The following ROBO2 variants were observed in gnomAD, a reference collection of about 807,000 sequenced individuals.
ROBO2 encodes the protein roundabout homolog 2.
A neutral mutation model predicts 160.8 loss-of-function variants in ROBO2; 53 were observed. The ratio of observed to expected loss-of-function variants is 0.33; its 90% CI spans 0.26 to 0.41. The LOEUF (loss-of-function observed/expected upper bound fraction) is 0.41. Ranked by LOEUF, ROBO2 falls within the 10% of genes least tolerant of loss-of-function variation. The pLI is 1.00. For synonymous variants in ROBO2, 664 were observed against 611.7 expected, an observed-to-expected ratio of 1.09 and a Z score of -1.26; for missense variants, 1,577 against 1,722.4, an observed-to-expected ratio of 0.92 and a Z score of 1.49.
chr3:77,354,212 T>C (rs1318537627), intron 2 of ROBO2, among the ~76,000 whole-genome samples: 1 of 152,198 alleles, frequency 6.6e-6, no homozygotes, highest in Admixed American at 6.5e-5. Flanking sequence ...GAACAAGTAG[T>C]TGTTGGTCTC....
intron 2 of ROBO2, among the ~76,000 whole-genome samples, chr3:76,121,014 A>G (rs72894578): frequency 0.03 from 4,582 of 152,232 alleles, 196 homozygotes; most frequent in African/African-American, 0.089. Flanking sequence ...AGGGAGCATA[A>G]CAGCAATAGA....
intron 2 of ROBO2, among the ~76,000 whole-genome samples, chr3:77,475,275 G>A (rs528160009): frequency 6.6e-6 from 1 of 152,258 alleles, no homozygotes; most frequent in East Asian, 1.9e-4. Context: ...TACAGTTGAT[G>A]TTAGATTTCT....
At chr3:76,834,062 T>TCTCCTTCC (rs1553651248) in intron 2 of ROBO2, among the ~76,000 whole-genome samples, 3 of 88,012 alleles carry the variant, frequency 3.4e-5, no homozygotes, top group African/African-American at 1.4e-4. Flanking sequence ...CCTTTCTTTC[T>TCTCCTTCC]TTTCTTTCTT....
At chr3:77,480,996 A>T (rs1000585873) in intron 3 of ROBO2, 103 bp from the exon 4 acceptor site, 2 of 1,078,414 alleles carry the variant, frequency 1.9e-6, no homozygotes, top group African/African-American at 3.2e-5. Context: ...TTCCTTTGGG[A>T]AACAAATATG....
chr3:75,988,709 A>G (rs767412620), intron 2 of ROBO2, among the ~76,000 whole-genome samples: 1 of 151,728 alleles, frequency 6.6e-6, no homozygotes, highest in African/African-American at 2.4e-5. Flanking sequence ...AGTATTTTCT[A>G]ATTTCCTTTT....
intron 2 of ROBO2, among the ~76,000 whole-genome samples, chr3:77,409,802 A>C (rs937488757): frequency 1.3e-5 from 2 of 152,154 alleles, no homozygotes; most frequent in Admixed American, 6.6e-5. Flanking sequence ...TATCTAGCTC[A>C]TATTTCCAAT....
At chr3:76,158,691 G>A in intron 2 of ROBO2, among the ~76,000 whole-genome samples, 1 of 152,102 alleles carries the variant, frequency 6.6e-6, no homozygotes, top group East Asian at 1.9e-4. Flanking sequence ...AAGAGAAGTA[G>A]CCCTGCATTG....
rs572682426 is a variant in ROBO2, at chr3:77,495,535, A to C, written c.806+2153A>C. The stretch of plus-strand genomic sequence containing the variant: ...ATCATAGACTTCTGCATTTGTTCTC[A>C]TATCTCTCCAGTCTCCTCCGTCCTG... On this transcript the variant is annotated intron_variant, in intron 5 of 25. Coordinates refer to ENST00000461745, the Ensembl canonical transcript of ROBO2. 4.8e-4 allele frequency among the ~76,000 whole-genome samples: 73 copies of C among 152,176 alleles called. No individual in the cohort carries two copies. In the South Asian group the frequency reaches 0.014, roughly 29 times the overall value.
intron 2 of ROBO2, among the ~76,000 whole-genome samples, chr3:76,093,585 A>G (rs2069321892): frequency 1.3e-5 from 2 of 150,054 alleles, no homozygotes; most frequent in Non-Finnish European, 3.0e-5. Context: ...AATTGCTTGG[A>G]ATGATTTTTT....
intron 2 of ROBO2, among the ~76,000 whole-genome samples, chr3:76,236,627 C>G (rs1374151674): frequency 7.9e-5 from 12 of 152,074 alleles, no homozygotes; most frequent in Admixed American, 7.9e-4. Flanking sequence ...CAAATGACAA[C>G]ACTACAAGAT....
At chr3:76,932,966 ATT>A (rs1209705940) in intron 2 of ROBO2, among the ~76,000 whole-genome samples, 1 of 152,008 alleles carries the variant, frequency 6.6e-6, no homozygotes, top group East Asian at 1.9e-4. Context: ...GAACAGACAT[ATT>A]TTGTAATTGT....
chr3:77,177,777 CT>C (rs1183643687), intron 2 of ROBO2, among the ~76,000 whole-genome samples: 1 of 151,948 alleles, frequency 6.6e-6, no homozygotes, highest in Non-Finnish European at 1.5e-5. Flanking sequence ...AGGCCATATA[CT>C]TTACAAAGAC....
At chr3:76,851,741 CAAAAAAAAAAAA>C (rs71104629) in intron 2 of ROBO2, among the ~76,000 whole-genome samples, 1 of 63,270 alleles carries the variant, frequency 1.6e-5, no homozygotes, top group Non-Finnish European at 3.0e-5. Context: ...GACTCCGTCT[CAAAAAAAAAAAA>C]AAAAAAAAAA....
chr3:75,977,179 C>G (rs1015102595), intron 2 of ROBO2, among the ~76,000 whole-genome samples: 3 of 151,560 alleles, frequency 2.0e-5, no homozygotes, highest in Non-Finnish European at 4.4e-5. Context: ...GAAGGGAATT[C>G]TCACCTGGCC....
intron 14 of ROBO2, among the ~76,000 whole-genome samples, chr3:77,576,869 G>A (rs1242401223): frequency 3.3e-5 from 5 of 152,126 alleles, no homozygotes; most frequent in Non-Finnish European, 7.4e-5. Flanking sequence ...AGTTTTTTCT[G>A]TGTTGATGAC....
chr3:76,677,944 A>C (rs1292028806), intron 2 of ROBO2, among the ~76,000 whole-genome samples: 2 of 124,964 alleles, frequency 1.6e-5, no homozygotes, highest in African/African-American at 6.0e-5. Context: ...TCTCTCACAG[A>C]GAAAGAAAAT....
chr3:76,982,297 T>C (rs2060138414), intron 2 of ROBO2, among the ~76,000 whole-genome samples: 1 of 152,222 alleles, frequency 6.6e-6, no homozygotes. Flanking sequence ...CATCTACTTA[T>C]ACAGTTGTCT....
At chr3:77,602,352 G>A (rs898400879) in exon 20 of ROBO2, 6 of 1,613,932 alleles carry the variant, frequency 3.7e-6, no homozygotes, top group Middle Eastern at 1.6e-4. Context: ...CATATGCCAC[G>A]ACACAGATCT....
At chr3:77,394,129 C>T (rs897418114) in intron 2 of ROBO2, among the ~76,000 whole-genome samples, 6 of 152,210 alleles carry the variant, frequency 3.9e-5, no homozygotes, top group South Asian at 2.1e-4. Context: ...AACTTCAAAG[C>T]GGCAAGCATC....
Sources: allele counts gnomAD v4.1 joint callset (sites outside exome capture counted in the v4.1 genomes callset), GRCh38; gene constraint gnomAD v4.1.1; transcripts MANE v1.5; gene names NCBI Gene and HGNC (gene_info 2026-07-23, HGNC 2026-07-21).